RPSA2: variants seen among roughly 807,000 people sequenced by gnomAD.
RPSA2 encodes ribosomal protein SA 2, also known as small ribosomal subunit protein uS2B.
At chr19:23,796,543 C>T in the RPSA2 span, among the ~76,000 whole-genome samples, 3 of 151,770 alleles carry the variant, frequency 2.0e-5, no homozygotes, top group Admixed American at 6.6e-5. Flanking sequence ...ATAATACCAG[C>T]ACTTTTTTGT....
chr19:23,812,593 TTC>T, the RPSA2 span, among the ~76,000 whole-genome samples: 6 of 152,146 alleles, frequency 3.9e-5, no homozygotes, highest in Non-Finnish European at 7.4e-5. Context: ...GAGACGGGGT[TTC>T]TCCATGTTGG....
the RPSA2 span, among the ~76,000 whole-genome samples, chr19:23,824,324 A>G: frequency 1.2e-4 from 18 of 152,302 alleles, no homozygotes; most frequent in Admixed American, 5.9e-4. Flanking sequence ...CGTCTTACTC[A>G]AGCTCGTCTT....
chr19:23,777,834 A>G, the RPSA2 span, among the ~76,000 whole-genome samples: 1 of 152,056 alleles, frequency 6.6e-6, no homozygotes. Flanking sequence ...TGGTTTCAAT[A>G]CCCAGGTGAT....
At chr19:23,821,956 G>A in the RPSA2 span, among the ~76,000 whole-genome samples, 1 of 152,110 alleles carries the variant, frequency 6.6e-6, no homozygotes, top group African/African-American at 2.4e-5. Context: ...ACTTCTATAA[G>A]CTGGGTGGCA....
chr19:23,836,453 A>G, the RPSA2 span, among the ~76,000 whole-genome samples: 8 of 152,150 alleles, frequency 5.3e-5, no homozygotes, highest in Non-Finnish European at 1.5e-5. Flanking sequence ...GAATTTTGCA[A>G]TTGTGAATTG....
the RPSA2 span, among the ~76,000 whole-genome samples, chr19:23,761,840 T>C: frequency 2.0e-5 from 3 of 151,276 alleles, no homozygotes; most frequent in African/African-American, 7.3e-5. Context: ...TACCCTGGAA[T>C]AGCCACTTCA....
the RPSA2 span, among the ~76,000 whole-genome samples, chr19:23,797,993 AT>A: frequency 1.3e-5 from 2 of 152,142 alleles, no homozygotes; most frequent in South Asian, 4.1e-4. Flanking sequence ...TTATGTGTAG[AT>A]TTTTATCTCC....
chr19:23,850,871 T>A, the RPSA2 span, among the ~76,000 whole-genome samples: 1 of 152,284 alleles, frequency 6.6e-6, no homozygotes, highest in East Asian at 1.9e-4. Flanking sequence ...TATTCTTTTG[T>A]TGTTTAGACT....
chr19:23,779,085 C>T, the RPSA2 span, among the ~76,000 whole-genome samples: 4 of 144,012 alleles, frequency 2.8e-5, no homozygotes, highest in Non-Finnish European at 6.0e-5. Context: ...ACTGCAAGCT[C>T]CGCCTCCTGG....
chr19:23,787,077 C>G, the RPSA2 span, among the ~76,000 whole-genome samples: 1 of 152,118 alleles, frequency 6.6e-6, no homozygotes, highest in African/African-American at 2.4e-5. Context: ...CTGGTCCCTG[C>G]TTACAGAGAA....
the RPSA2 span, among the ~76,000 whole-genome samples, chr19:23,786,141 G>C: frequency 6.6e-6 from 1 of 152,120 alleles, no homozygotes; most frequent in Non-Finnish European, 1.5e-5. Context: ...AAATTTACCT[G>C]GGCTTAGGGC....
chr19:23,823,516 A>G, the RPSA2 span, among the ~76,000 whole-genome samples: 1 of 151,702 alleles, frequency 6.6e-6, no homozygotes, highest in South Asian at 2.1e-4. Flanking sequence ...TCCTCCCAAA[A>G]CCATCTCTTT....
At chr19:23,864,293 C>G in the RPSA2 span, among the ~76,000 whole-genome samples, 3 of 152,210 alleles carry the variant, frequency 2.0e-5, no homozygotes, top group Admixed American at 6.5e-5. Context: ...TAAGTAAACT[C>G]AAATTTCAAA....
the RPSA2 span, among the ~76,000 whole-genome samples, chr19:23,842,266 G>A: frequency 6.6e-6 from 1 of 152,148 alleles, no homozygotes; most frequent in Non-Finnish European, 1.5e-5. Flanking sequence ...TCTAAATATG[G>A]CATTCAGAAC....
chr19:23,808,731 C>A, the RPSA2 span: 1 of 765,934 alleles, frequency 1.3e-6, no homozygotes. Flanking sequence ...ATTACTGTCT[C>A]TAAGCCAGAC....
At chr19:23,856,977 C>A in the RPSA2 span, among the ~76,000 whole-genome samples, 1 of 152,050 alleles carries the variant, frequency 6.6e-6, no homozygotes, top group East Asian at 1.9e-4. Flanking sequence ...CTGGTCTGAC[C>A]AAAAATTTAC....
chr19:23,862,896 C>CTTTTTTTTTTT, the RPSA2 span, among the ~76,000 whole-genome samples: 1 of 142,736 alleles, frequency 7.0e-6, no homozygotes, highest in African/African-American at 2.6e-5. Context: ...TTCTTTCTTT[C>CTTTTTTTTTTT]TTTTTTTTTT....
chr19:23,846,386 T>A, the RPSA2 span, among the ~76,000 whole-genome samples: 1 of 152,296 alleles, frequency 6.6e-6, no homozygotes, highest in Middle Eastern at 3.4e-3. Context: ...TTTCTTTTTA[T>A]CTATTTATAT....
chr19:23,864,397 G>C, the RPSA2 span, among the ~76,000 whole-genome samples: 15 of 152,088 alleles, frequency 9.9e-5, no homozygotes, highest in African/African-American at 3.4e-4. Context: ...CATAATAGAT[G>C]GTCTAAAATA....
Sources: allele counts gnomAD v4.1 joint callset (sites outside exome capture counted in the v4.1 genomes callset), GRCh38; gene constraint gnomAD v4.1.1; transcripts MANE v1.5; gene names NCBI Gene and HGNC (gene_info 2026-07-23, HGNC 2026-07-21).